Variants in HDAC6 observed in about 807,000 individuals in gnomAD.
The protein encoded by HDAC6 is protein deacetylase HDAC6.
A neutral mutation model predicts 88.9 loss-of-function variants in HDAC6; 5 were observed. The ratio of observed to expected loss-of-function variants is 0.06; its 90% confidence interval spans 0.03 to 0.12. The LOEUF is 0.12. Among genes scored for constraint, HDAC6 ranks in the 10% least tolerant of loss-of-function variants. The probability of loss-of-function intolerance (pLI) is 1.00; values close to 1 mark genes in which losing one functional copy is unlikely to be tolerated. For missense variants in HDAC6, 706 were observed against 1,014.4 expected (o/e 0.70, Z 4.13); for synonymous variants, 378 against 398.0 (o/e 0.95, Z 0.60).
rs1557028298 is a variant in HDAC6, at chrX:48,818,128, G to A, written c.1994+19G>A. 12 of 1,186,657 alleles carry A rather than the reference G, an allele frequency of 1.0e-5. No individual in the cohort carries two copies. Among genetic ancestry groups the A allele is most frequent in the Non-Finnish European group, 1.4e-5 (12 of 881,818 alleles). On this transcript the variant is annotated intron_variant, in intron 21 of 28. Coordinates refer to ENST00000334136, the MANE Select transcript of HDAC6 (RefSeq NM_006044.4). Reference sequence around the variant, plus strand: ...ACCCCAGGTAAGGGCTGCAGTCAGGGGCCGCAGTGTGATCAGGGAGGCGGG... The same window carrying A: ...ACCCCAGGTAAGGGCTGCAGTCAGGAGCCGCAGTGTGATCAGGGAGGCGGG...
chrX:48,809,985 C>T (rs1208211529), intron 10 of HDAC6, among the ~76,000 whole-genome samples: 2 of 110,557 alleles, frequency 1.8e-5, no homozygotes, highest in Admixed American at 9.7e-5. Context: ...TATTATTTTG[C>T]AGCATTCAGT....
In HDAC6 at chrX:48,823,222, G is replaced by T; in HGVS notation, c.2823G>T (p.Glu941Asp). The T allele has an allele frequency of 1.7e-6, 2 of 1,201,891 alleles. No individual in the cohort carries two copies. The highest frequency in any genetic ancestry group is 1.1e-6 in the Non-Finnish European group (1 of 890,687). ...TGCTGGGCCAGACCACCTCAGAGGA[G>T]GCTGTCGGGGGAGCCACTCCGGACC... ...GAMLGQTTSEEAVGGATPDQT... is the reference protein window; with the variant it reads ...GAMLGQTTSEDAVGGATPDQT... The change falls in exon 25 of 29, where the codon GAG becomes GAT. Residue 941 changes from glutamate (E) to aspartate (D), a missense_variant. Coordinates refer to ENST00000334136, the MANE Select transcript of HDAC6 (RefSeq NM_006044.4).
At chrX:48,802,371 A>G (rs2062739456) in intron 1 of HDAC6, 2 of 893,597 alleles carry the variant, frequency 2.2e-6, no homozygotes, top group African/African-American at 2.0e-5. Flanking sequence ...GGCAGGCCCT[A>G]AGACGGACTG....
At chrX:48,803,541 G>A in intron 4 of HDAC6, 1 of 227,192 alleles carries the variant, frequency 4.4e-6, no homozygotes, top group Non-Finnish European at 8.0e-6. Context: ...TAAGACCAGG[G>A]GATTCAAGGG....
chrX:48,824,497 G>T, intron 28 of HDAC6, 47 bp from the exon 29 acceptor site: 1 of 1,141,164 alleles, frequency 8.8e-7, no homozygotes, highest in Admixed American at 2.2e-5. Flanking sequence ...CCGAGGTAGA[G>T]GGGTCCTCAC....
intron 10 of HDAC6, among the ~76,000 whole-genome samples, chrX:48,810,221 A>G (rs2062879612): frequency 9.1e-6 from 1 of 109,577 alleles, no homozygotes; most frequent in Admixed American, 9.8e-5. Context: ...GACTGCAGGC[A>G]TGTGCCACCA....
chrX:48,818,460 G>T, intron 22 of HDAC6, 48 bp downstream of exon 22: 2 of 1,053,885 alleles, frequency 1.9e-6, no homozygotes, highest in Non-Finnish European at 2.5e-6. Flanking sequence ...GCCTGTGCAG[G>T]TGGCAGCCTG....
rs2063139604 is a variant in HDAC6 at position 48,824,691 on chromosome X, T to A, written c.*79T>A. ...AGCTCATTCCAGCCTGTACCTTGGA[T>A]GAGGGGTAGCCTCCCACTGCATCCC... On this transcript the variant is annotated 3_prime_UTR_variant, in exon 29 of 29. Coordinates refer to ENST00000334136, the MANE Select transcript of HDAC6 (RefSeq NM_006044.4). 1.7e-6 allele frequency: 2 copies of A among 1,169,700 alleles called. No individual in the cohort carries two copies. Among genetic ancestry groups the A allele is most frequent in the Admixed American group, 4.8e-5 (2 of 41,601 alleles).
intron 23 of HDAC6, among the ~76,000 whole-genome samples, chrX:48,820,542 G>T (rs1280639954): frequency 2.7e-5 from 3 of 111,542 alleles, no homozygotes. Flanking sequence ...CTGAAGATCA[G>T]GGAAACTGAG....
chrX:48,823,516 A>G lies in HDAC6; in HGVS notation c.3117A>G (p.Gly1039=), dbSNP rs1557031074. 8.3e-7 allele frequency: 1 copy of G among 1,210,509 alleles called. No homozygotes were observed. The highest frequency in any genetic ancestry group is 1.1e-6 in the Non-Finnish European group (1 of 894,837). ...HQTPPTSPVQ[G]TTPQISPSTL... ...CCCCCCCAACCTCACCTGTGCAGGG[A>G]ACTACACCCCAGATATCTCCCAGTA... Residue 1039 remains glycine, a synonymous_variant, in exon 25 of 29, where the codon GGA becomes GGG. Coordinates refer to ENST00000334136, the MANE Select transcript of HDAC6 (RefSeq NM_006044.4).
intron 23 of HDAC6, 43 bp downstream of exon 23, chrX:48,820,298 T>C: frequency 9.4e-7 from 1 of 1,067,975 alleles, no homozygotes; most frequent in Non-Finnish European, 1.3e-6. Flanking sequence ...GGAGGGTAGT[T>C]TGGAAATGTT....
chrX:48,820,068 A>C lies in HDAC6; in HGVS notation c.2188-38A>C, dbSNP rs782310029. ...CACTTACTGCCTACCAAAAGCCCCT[A>C]CCCTCATGCTTATACATCTCTTCTC... On this transcript the variant is annotated intron_variant, in intron 22 of 28. Coordinates refer to ENST00000334136, the MANE Select transcript of HDAC6 (RefSeq NM_006044.4). The C allele has an allele frequency of 1.7e-5, 20 of 1,196,478 alleles. No individual in the cohort carries two copies. The East Asian group carries it at 5.9e-4, about 35-fold the overall frequency.
At chrX:48,802,436 C>T (rs1418704401) in intron 1 of HDAC6, 15 of 967,131 alleles carry the variant, frequency 1.6e-5, no homozygotes, top group African/African-American at 4.0e-5. Context: ...GAAAGAGAAT[C>T]GTGTAAAAGG....
chrX:48,821,481 A>G (rs186106679), intron 23 of HDAC6, among the ~76,000 whole-genome samples: 63 of 96,950 alleles, frequency 6.5e-4, no homozygotes, highest in African/African-American at 2.3e-3. Context: ...ATGAGCTACC[A>G]TACCTGCCTC....
chrX:48,819,321 C>T (rs1557028856), intron 22 of HDAC6: 2 of 117,329 alleles, frequency 1.7e-5, no homozygotes, highest in Non-Finnish European at 3.5e-5. Context: ...GTACGTGTGG[C>T]TCTGTGTGAC....
intron 10 of HDAC6, among the ~76,000 whole-genome samples, chrX:48,812,148 G>T (rs1164239846): frequency 8.9e-6 from 1 of 112,393 alleles, no homozygotes; most frequent in Non-Finnish European, 1.9e-5. Context: ...TGCATAGGAG[G>T]CTATAGCTGT....
At chrX:48,805,043 G>A (rs1400820699) in intron 4 of HDAC6, among the ~76,000 whole-genome samples, 1 of 111,536 alleles carries the variant, frequency 9.0e-6, no homozygotes, top group Non-Finnish European at 1.9e-5. Context: ...AGGAGATGGG[G>A]TCAGAGAGGT....
chrX:48,818,374 G>T lies in HDAC6; in HGVS notation c.2149G>T (p.Ala717Ser). ...GPRMGDADYLAAWHRLVLPIA... is the reference protein window; with the variant it reads ...GPRMGDADYLSAWHRLVLPIA... The stretch of plus-strand genomic sequence containing the variant: ...CCGCATGGGTGATGCTGACTACCTA[G>T]CTGCCTGGCATCGCCTGGTGCTTCC... Residue 717 changes from alanine (A) to serine (S), a missense_variant, in exon 22 of 29, where the codon GCT becomes TCT. Transcript: ENST00000334136. 1 of 1,189,661 alleles carries T rather than the reference G, an allele frequency of 8.4e-7. No individual in the cohort carries two copies. Among genetic ancestry groups the T allele is most frequent in the South Asian group, 1.9e-5 (1 of 52,699 alleles).
At position 48,823,117 on chromosome X, in the gene HDAC6, T is replaced by G. The variant is rs782074795; in HGVS notation, c.2718T>G (p.Thr906=). The change falls in exon 25 of 29, where the codon ACT becomes ACG. Residue 906 remains threonine, a synonymous_variant. Transcript: ENST00000334136. The part of the protein sequence containing the change: ...TNSETAVVAL[T]QDQPSEAATG... ...CAGAGACAGCTGTGGTGGCCCTCAC[T>G]CAGGACCAGCCCTCAGAGGCAGCCA... is the stretch of plus-strand genomic sequence containing the variant. 12 of 1,209,772 alleles carry G rather than the reference T, an allele frequency of 9.9e-6. No individual in the cohort carries two copies. The highest frequency in any genetic ancestry group is 1.3e-5 in the Non-Finnish European group (12 of 894,598).
Sources: gnomAD v4.1 joint callset for allele counts (sites outside exome capture counted in the v4.1 genomes callset) on GRCh38, gnomAD v4.1.1 for gene constraint, MANE v1.5 for transcripts, NCBI Gene and HGNC (gene_info 2026-07-23, HGNC 2026-07-21) for gene names.